The following PRKD1 variants were observed in gnomAD, a reference collection of about 807,000 sequenced individuals.
PRKD1 encodes serine/threonine-protein kinase D1.
Under a neutral mutation model 95.9 loss-of-function variants are expected in PRKD1, and 63 were observed. The observed-to-expected ratio is 0.66, with a 90% CI of 0.54 to 0.81. The LOEUF (loss-of-function observed/expected upper bound fraction) is 0.81. Ranked by LOEUF, PRKD1 falls within the 30% of genes least tolerant of loss-of-function variation. PRKD1 has a pLI of 0.00. For missense variants in PRKD1, 1,048 were observed against 1,165.3 expected, an observed-to-expected ratio of 0.90 and a Z score of 1.47; for synonymous variants, 425 against 423.1, an observed-to-expected ratio of 1.00 and a Z score of -0.05.
chr14:29,732,984 G>T lies in PRKD1; in HGVS notation c.265-7310C>A, dbSNP rs371717385. On this transcript the variant is annotated intron_variant, in intron 1 of 17. Coordinates refer to ENST00000331968, the MANE Select transcript of PRKD1 (RefSeq NM_002742.3). ...TGAACTATAGATTTATACATTTCATGACATTTAGAAAATTTTCACCATTGT... is the reference window on the plus strand; with the variant it reads ...TGAACTATAGATTTATACATTTCATTACATTTAGAAAATTTTCACCATTGT... Among the ~76,000 whole-genome samples the T allele has an allele frequency of 4.2e-4, 62 of 148,686 alleles. 2 individuals carry two copies. The South Asian group carries it at 0.013, about 31-fold the overall frequency.
At chr14:29,824,771 T>C (rs1891045446) in intron 1 of PRKD1, among the ~76,000 whole-genome samples, 1 of 152,134 alleles carries the variant, frequency 6.6e-6, no homozygotes, top group Non-Finnish European at 1.5e-5. Flanking sequence ...GATTTGGAGA[T>C]AGTTATGAAA....
chr14:29,734,869 T>C (rs1485927744), intron 1 of PRKD1, among the ~76,000 whole-genome samples: 1 of 152,174 alleles, frequency 6.6e-6, no homozygotes, highest in African/African-American at 2.4e-5. Flanking sequence ...TATCTCTGTC[T>C]TCTTTAAGCA....
At chr14:29,777,175 A>C (rs572575633) in intron 1 of PRKD1, among the ~76,000 whole-genome samples, 2 of 152,366 alleles carry the variant, frequency 1.3e-5, no homozygotes, top group East Asian at 1.9e-4. Flanking sequence ...AACTGGTACC[A>C]GCCACTGCAA....
chr14:29,602,982 T>C (rs1893578006), intron 13 of PRKD1, among the ~76,000 whole-genome samples: 2 of 152,190 alleles, frequency 1.3e-5, no homozygotes, highest in Non-Finnish European at 2.9e-5. Context: ...TAATAGCATC[T>C]TGATGTAAAG....
intron 1 of PRKD1, among the ~76,000 whole-genome samples, chr14:29,880,943 T>C (rs1408186817): frequency 6.6e-6 from 1 of 152,216 alleles, no homozygotes; most frequent in Non-Finnish European, 1.5e-5. Context: ...AGGAAGTAAC[T>C]AGATTGCTTT....
At chr14:29,681,588 A>G (rs1883542750) in intron 2 of PRKD1, among the ~76,000 whole-genome samples, 1 of 152,172 alleles carries the variant, frequency 6.6e-6, no homozygotes, top group South Asian at 2.1e-4. Context: ...GTACCAGTCA[A>G]TGCTTGTTTA....
intron 1 of PRKD1, among the ~76,000 whole-genome samples, chr14:29,826,177 AAT>A (rs1170059797): frequency 1.4e-5 from 2 of 141,856 alleles, no homozygotes; most frequent in Admixed American, 7.5e-5. Context: ...TATATGATGG[AAT>A]ATATATATAC....
At chr14:29,803,426 T>C (rs1370903004) in intron 1 of PRKD1, among the ~76,000 whole-genome samples, 1 of 152,214 alleles carries the variant, frequency 6.6e-6, no homozygotes, top group Admixed American at 6.5e-5. Context: ...CAAGTTTTAA[T>C]TTTTTTGTCT....
At chr14:29,816,381 C>A (rs760294455) in intron 1 of PRKD1, among the ~76,000 whole-genome samples, 1 of 152,098 alleles carries the variant, frequency 6.6e-6, no homozygotes, top group Non-Finnish European at 1.5e-5. Context: ...TAACTATGTG[C>A]CACACATTCA....
At chr14:29,686,809 C>T (rs762519547) in intron 2 of PRKD1, among the ~76,000 whole-genome samples, 1 of 152,202 alleles carries the variant, frequency 6.6e-6, no homozygotes, top group African/African-American at 2.4e-5. Context: ...CCTTGGCACA[C>T]AATTAAGTAC....
At chr14:29,878,572 C>T (rs1378956867) in intron 1 of PRKD1, among the ~76,000 whole-genome samples, 1 of 152,044 alleles carries the variant, frequency 6.6e-6, no homozygotes, top group East Asian at 1.9e-4. Context: ...ATTATTCAAC[C>T]ATAAAAAGGA....
Position 29,641,855 on chromosome 14 carries a change from C to T in PRKD1, c.697-2951G>A, listed in dbSNP as rs142943453. 2.0e-3 allele frequency among the ~76,000 whole-genome samples: 300 copies of T among 151,658 alleles called. 1 individual carries two copies. Among genetic ancestry groups the T allele is most frequent in the African/African-American group, 6.3e-3 (259 of 41,382 alleles). ...CAATATTTACCTAAATGTTTAAGAA[C>T]CACCCTTTCTGTAATCCTGCCATCA... On this transcript the variant is annotated intron_variant, in intron 4 of 17. Transcript: ENST00000331968.
At chr14:29,889,931 A>T (rs1427989392) in intron 1 of PRKD1, among the ~76,000 whole-genome samples, 1 of 152,244 alleles carries the variant, frequency 6.6e-6, no homozygotes, top group Non-Finnish European at 1.5e-5. Flanking sequence ...TCATCCAACA[A>T]GAATTTATAG....
chr14:29,915,887 G>T (rs1264867483), intron 1 of PRKD1, among the ~76,000 whole-genome samples: 1 of 152,122 alleles, frequency 6.6e-6, no homozygotes, highest in African/African-American at 2.4e-5. Context: ...GTAGCTGTGT[G>T]TCTTGAGGTA....
intron 4 of PRKD1, among the ~76,000 whole-genome samples, chr14:29,662,740 G>T (rs903202337): frequency 1.3e-5 from 2 of 151,858 alleles, no homozygotes; most frequent in Non-Finnish European, 2.9e-5. Flanking sequence ...TTCAGAATTT[G>T]TTACCACTCT....
At chr14:29,616,377 G>C (rs1257002878) in intron 13 of PRKD1, among the ~76,000 whole-genome samples, 1 of 151,586 alleles carries the variant, frequency 6.6e-6, no homozygotes, top group Non-Finnish European at 1.5e-5. Flanking sequence ...AAGTGTGGGA[G>C]AGATTTGACT....
intron 13 of PRKD1, among the ~76,000 whole-genome samples, chr14:29,617,657 G>C (rs1027114554): frequency 1.3e-5 from 2 of 152,112 alleles, no homozygotes; most frequent in Admixed American, 1.3e-4. Context: ...ACCTTTATAT[G>C]CACTGTGATA....
intron 7 of PRKD1, 90 bp downstream of exon 7, chr14:29,636,200 A>G: frequency 6.9e-7 from 1 of 1,447,676 alleles, no homozygotes; most frequent in South Asian, 1.2e-5. Flanking sequence ...TCACATTTCT[A>G]CTATAATCTA....
chr14:29,878,907 T>C (rs370436781), intron 1 of PRKD1, among the ~76,000 whole-genome samples: 4 of 152,232 alleles, frequency 2.6e-5, no homozygotes, highest in African/African-American at 9.6e-5. Flanking sequence ...ATTTATACTA[T>C]GTATCTCTCA....
Sources: gnomAD v4.1 joint callset for allele counts (sites outside exome capture counted in the v4.1 genomes callset) on GRCh38, gnomAD v4.1.1 for gene constraint, MANE v1.5 for transcripts, NCBI Gene and HGNC (gene_info 2026-07-23, HGNC 2026-07-21) for gene names.